ZC2HC1B: variants seen among roughly 807,000 people sequenced by gnomAD.
ZC2HC1B encodes zinc finger C2HC domain-containing protein 1B.
A neutral mutation model predicts 31.0 loss-of-function variants in ZC2HC1B; 36 were observed. The observed-to-expected ratio is 1.16, with a 90% confidence interval of 0.89 to 1.54. The LOEUF is 1.54. ZC2HC1B is among the 40% of genes most tolerant of loss of function. ZC2HC1B has a pLI of 0.00. For synonymous variants in ZC2HC1B, 73 were observed against 88.0 expected (o/e 0.83, Z 0.95); for missense variants, 260 against 268.6 (o/e 0.97, Z 0.22).
rs1777928984 is a variant in ZC2HC1B at position 143,917,141 on chromosome 6, A to G, written c.598+13989A>G. Among the ~76,000 whole-genome samples, 1 of 152,200 alleles carries G rather than the reference A, an allele frequency of 6.6e-6. No individual in the cohort carries two copies. On this transcript the variant is annotated intron_variant, in intron 6 of 7. Transcript: ENST00000237275. The surrounding 1 kb of genome is among the most constrained non-coding windows in gnomAD (Gnocchi z 4.1). Reference sequence around the variant, plus strand: ...ATTCTCGTGATAGTGAGTAAGTCTCATGAGATCTGACGACTTTAAAAAGAG... The same window carrying G: ...ATTCTCGTGATAGTGAGTAAGTCTCGTGAGATCTGACGACTTTAAAAAGAG...
At chr6:143,875,889 C>A (rs1777402469) in intron 1 of ZC2HC1B, among the ~76,000 whole-genome samples, 1 of 150,638 alleles carries the variant, frequency 6.6e-6, no homozygotes, top group African/African-American at 2.5e-5. Flanking sequence ...AGGGATGTTG[C>A]TACCACTGGG....
rs925805460 is a variant in ZC2HC1B, at chr6:143,917,755, T to C, written c.598+14603T>C. On this transcript the variant is annotated intron_variant, in intron 6 of 7. Coordinates refer to ENST00000237275, the MANE Select transcript of ZC2HC1B (RefSeq NM_001013623.3). The surrounding 1 kb of genome is among the most constrained non-coding windows in gnomAD (Gnocchi z 4.1). ...AAATTTAAAAAAAAATCTGCAACAC[T>C]TTGGTCCCAAGCATTTCAGATAAGG... is the stretch of plus-strand genomic sequence containing the variant. Among the ~76,000 whole-genome samples, 2 of 152,206 alleles carry C rather than the reference T, an allele frequency of 1.3e-5. No individual in the cohort carries two copies. Among genetic ancestry groups the C allele is most frequent in the Admixed American group, 1.3e-4 (2 of 15,284 alleles).
chr6:143,884,337 G>A lies in ZC2HC1B; in HGVS notation c.62G>A (p.Cys21Tyr). 1 of 1,534,758 alleles carries A rather than the reference G, an allele frequency of 6.5e-7. No homozygotes were observed. Among genetic ancestry groups the A allele is most frequent in the East Asian group, 2.5e-5 (1 of 40,606 alleles). Residue 21 changes from cysteine (C) to tyrosine (Y), a missense_variant, in exon 2 of 8, where the codon TGT becomes TAT. Cys to Tyr is a radical substitution (Grantham distance 194). Coordinates refer to ENST00000237275, the MANE Select transcript of ZC2HC1B (RefSeq NM_001013623.3). The surrounding 1 kb of genome is among the most constrained non-coding windows in gnomAD (Gnocchi z 5.1). ...GNQELFPCEV[C>Y]GRRFAADVLE... ...CAGGAATTGTTTCCCTGTGAAGTCT[G>A]TGGAAGACGTTTTGCAGCAGATGTT...
rs770906175 is a variant in ZC2HC1B at position 143,903,118 on chromosome 6, C to A, written c.564C>A (p.Val188=). ...TGGGAGCTTTGCTGCAGAACAGGGT[C>A]CTGGTGGCCACGAATGAAGTCCCAA... ...SAVGALLQNR[V]LVATNEVPTK... The change falls in exon 6 of 8, where the codon GTC becomes GTA. Residue 188 remains valine (V), a synonymous_variant. Coordinates refer to ENST00000237275, the MANE Select transcript of ZC2HC1B (RefSeq NM_001013623.3). This position sits in a 1 kb window ranked among gnomAD's most constrained non-coding sequence, Gnocchi z 4.3. 3 of 1,552,070 alleles carry A rather than the reference C, an allele frequency of 1.9e-6. No individual in the cohort carries two copies. Among genetic ancestry groups the A allele is most frequent in the South Asian group, 2.4e-5 (2 of 84,062 alleles).
rs1777291415 is a variant in ZC2HC1B, at chr6:143,868,242, A to G, written c.28+3675A>G. On this transcript the variant is annotated intron_variant, in intron 1 of 7. Coordinates refer to ENST00000237275, the MANE Select transcript of ZC2HC1B (RefSeq NM_001013623.3). The surrounding 1 kb of genome is among the most constrained non-coding windows in gnomAD (Gnocchi z 4.2). ...ATCAGAAGGTGTATTAGGGTTCTCT[A>G]GAGGGATGGAACTAATAGGCTAGAT... 6.6e-6 allele frequency among the ~76,000 whole-genome samples: 1 copy of G among 152,172 alleles called. No individual in the cohort carries two copies. Among genetic ancestry groups the G allele is most frequent in the Non-Finnish European group, 1.5e-5 (1 of 68,024 alleles).
chr6:143,889,924 G>A (rs553860798), intron 4 of ZC2HC1B, among the ~76,000 whole-genome samples: 1 of 152,196 alleles, frequency 6.6e-6, no homozygotes, highest in African/African-American at 2.4e-5. Flanking sequence ...CACAAAGTAG[G>A]TCTCAAATTT....
At chr6:143,910,034 T>C (rs751190699) in intron 6 of ZC2HC1B, among the ~76,000 whole-genome samples, 3 of 152,230 alleles carry the variant, frequency 2.0e-5, no homozygotes, top group Non-Finnish European at 2.9e-5. Flanking sequence ...CTTTTCGATG[T>C]GGGCATTTAG....
rs947575850 is a variant in ZC2HC1B at position 143,871,846 on chromosome 6, T to A, written c.28+7279T>A. Among the ~76,000 whole-genome samples, 1 of 152,204 alleles carries A rather than the reference T, an allele frequency of 6.6e-6. No individual in the cohort carries two copies. The highest frequency in any genetic ancestry group is 2.1e-4 in the South Asian group (1 of 4,826). On this transcript the variant is annotated intron_variant, in intron 1 of 7. Coordinates refer to ENST00000237275, the MANE Select transcript of ZC2HC1B (RefSeq NM_001013623.3). The surrounding 1 kb of genome is among the most constrained non-coding windows in gnomAD (Gnocchi z 4.1). The stretch of plus-strand genomic sequence containing the variant: ...TTCTGCCAGCTGCTAAGTATGTCTA[T>A]GCCAATTTTGCATTCTGGCACTGGG...
At position 143,870,776 on chromosome 6, in the gene ZC2HC1B, TG is replaced by T. The variant is rs1271427600; in HGVS notation, c.28+6214del. Among the ~76,000 whole-genome samples the T allele has an allele frequency of 7.2e-5, 11 of 152,164 alleles. No individual in the cohort carries two copies. Among genetic ancestry groups the T allele is most frequent in the Non-Finnish European group, 1.5e-4 (10 of 68,034 alleles). On this transcript the variant is annotated intron_variant, in intron 1 of 7. Coordinates refer to ENST00000237275, the MANE Select transcript of ZC2HC1B (RefSeq NM_001013623.3). This position sits in a 1 kb window ranked among gnomAD's most constrained non-coding sequence, Gnocchi z 4.7. Reference sequence around the variant, plus strand: ...AGAGGCCTCCACTGTGATTCACCTTTGGGGGCCTGCCAAAGGCTCCAAACAG... The same window carrying T: ...AGAGGCCTCCACTGTGATTCACCTTTGGGGCCTGCCAAAGGCTCCAAACAG...
At chr6:143,904,398 G>C (rs1364699178) in intron 6 of ZC2HC1B, among the ~76,000 whole-genome samples, 1 of 152,058 alleles carries the variant, frequency 6.6e-6, no homozygotes, top group Admixed American at 6.6e-5. Flanking sequence ...CAGGGTCTCT[G>C]TTGCCCAGGC....
At position 143,886,014 on chromosome 6, in the gene ZC2HC1B, C is replaced by A; in HGVS notation, c.91-18C>A. The A allele has an allele frequency of 6.6e-7, 1 of 1,510,550 alleles. No individual in the cohort carries two copies. Among genetic ancestry groups the A allele is most frequent in the Non-Finnish European group, 8.8e-7 (1 of 1,131,468 alleles). The allele number at this position is 1,510,550 out of a possible 1,614,324, so 93.6% of individuals were successfully genotyped here. ...TTGTGCACTTTAGAAATTCCAATCC[C>A]TACTCTTCGTTTTCTAGGAAAGGCA... is the stretch of plus-strand genomic sequence containing the variant. On this transcript the variant is annotated intron_variant, in intron 2 of 7. Coordinates refer to ENST00000237275, the MANE Select transcript of ZC2HC1B (RefSeq NM_001013623.3). The surrounding 1 kb of genome is among the most constrained non-coding windows in gnomAD (Gnocchi z 4.2).
At chr6:143,902,701 A>G (rs1465190449) in intron 5 of ZC2HC1B, among the ~76,000 whole-genome samples, 1 of 152,242 alleles carries the variant, frequency 6.6e-6, no homozygotes, top group Non-Finnish European at 1.5e-5. Context: ...AATGAAAAAA[A>G]TAAAATGTTC....
chr6:143,882,334 T>TATATATTTTATATATATATATA (rs1554237238), intron 1 of ZC2HC1B, among the ~76,000 whole-genome samples: 1 of 85,554 alleles, frequency 1.2e-5, no homozygotes, highest in African/African-American at 6.4e-5. Context: ...TTTATATTTT[T>TATATATTTTATATATATATATA]TATATATATA....
intron 1 of ZC2HC1B, among the ~76,000 whole-genome samples, chr6:143,866,910 C>G (rs536373273): frequency 2.9e-4 from 44 of 152,302 alleles, no homozygotes; most frequent in African/African-American, 1.1e-3. Context: ...ACTCTTTCCC[C>G]TCAGGTAATT....
intron 4 of ZC2HC1B, among the ~76,000 whole-genome samples, chr6:143,890,771 A>G (rs142630891): frequency 3.3e-5 from 5 of 152,326 alleles, no homozygotes; most frequent in African/African-American, 1.2e-4. Context: ...ATTTAACAAC[A>G]TTTCAGGATA....
chr6:143,932,273 C>G (rs1167564883), intron 6 of ZC2HC1B, among the ~76,000 whole-genome samples: 2 of 152,344 alleles, frequency 1.3e-5, no homozygotes, highest in East Asian at 1.9e-4. Flanking sequence ...GATTTCTCTT[C>G]TTCGCCAGGA....
Position 143,875,756 on chromosome 6 carries a change from G to T in ZC2HC1B, c.29-8548G>T, listed in dbSNP as rs538726823. On this transcript the variant is annotated intron_variant, in intron 1 of 7. Coordinates refer to ENST00000237275, the MANE Select transcript of ZC2HC1B (RefSeq NM_001013623.3). ...CAGAGGTGTTGGAGGTGGTTTCTGA[G>T]GAGAATCAACATTATCTTGCCTGGC... is the stretch of plus-strand genomic sequence containing the variant. 3.7e-4 allele frequency among the ~76,000 whole-genome samples: 56 copies of T among 150,692 alleles called. 3 individuals are homozygous for T. The South Asian group carries it at 0.012, about 32-fold the overall frequency.
intron 5 of ZC2HC1B, among the ~76,000 whole-genome samples, chr6:143,898,922 C>CT (rs1777703931): frequency 6.6e-6 from 1 of 152,210 alleles, no homozygotes; most frequent in Non-Finnish European, 1.5e-5. Context: ...TTTGAAGCTT[C>CT]TTTGGGTGAA....
In ZC2HC1B at chr6:143,869,340, C is replaced by T. The variant is rs943296744; in HGVS notation, c.28+4773C>T. Among the ~76,000 whole-genome samples the T allele has an allele frequency of 6.6e-6, 1 of 152,192 alleles. No individual in the cohort carries two copies. Among genetic ancestry groups the T allele is most frequent in the African/African-American group, 2.4e-5 (1 of 41,432 alleles). On this transcript the variant is annotated intron_variant, in intron 1 of 7. Transcript: ENST00000237275. This position sits in a 1 kb window ranked among gnomAD's most constrained non-coding sequence, Gnocchi z 5.2. The stretch of plus-strand genomic sequence containing the variant: ...ACCCCAGCCCTTCAACGTATTGTCA[C>T]CTAGTTGTTGTAATTGTGACTTCAA...
Sources: allele counts gnomAD v4.1 joint callset (sites outside exome capture counted in the v4.1 genomes callset), GRCh38; gene constraint gnomAD v4.1.1; non-coding constraint Gnocchi (gnomAD v3.1); transcripts MANE v1.5; gene names NCBI Gene and HGNC (gene_info 2026-07-23, HGNC 2026-07-21).